Variants in PLEKHA5 observed in about 807,000 individuals in gnomAD.
PLEKHA5 encodes the protein pleckstrin homology domain-containing family A member 5.
Under a neutral mutation model 181.9 loss-of-function variants are expected in PLEKHA5, and 55 were observed. The observed-to-expected ratio is 0.30, with a 90% CI of 0.24 to 0.38. The LOEUF is 0.38. Among genes scored for constraint, PLEKHA5 ranks in the 10% least tolerant of loss-of-function variants. The pLI, the probability that PLEKHA5 is intolerant of heterozygous loss-of-function variation, is 1.00. For synonymous variants in PLEKHA5, 535 were observed against 529.4 expected, an observed-to-expected ratio of 1.01 and a Z score of -0.15; for missense variants, 1,432 against 1,549.5, an observed-to-expected ratio of 0.92 and a Z score of 1.27.
chr12:19,131,267 G>A (rs373223761), intron 2 of PLEKHA5, among the ~76,000 whole-genome samples: 178 of 152,228 alleles, frequency 1.2e-3, no homozygotes, highest in Middle Eastern at 3.4e-3. Context: ...CCAGGATATT[G>A]AACAAACCTG....
At chr12:19,282,636 G>A (rs780179813) in intron 11 of PLEKHA5, among the ~76,000 whole-genome samples, 29 of 152,234 alleles carry the variant, frequency 1.9e-4, no homozygotes, top group South Asian at 6.2e-4. Flanking sequence ...CTGATGAGAT[G>A]TATAAAAATG....
intron 3 of PLEKHA5, among the ~76,000 whole-genome samples, chr12:19,143,494 C>G (rs1252711745): frequency 6.6e-6 from 1 of 152,000 alleles, no homozygotes; most frequent in East Asian, 1.9e-4. Context: ...AAAAATCATT[C>G]ACAGTCCTGT....
intron 3 of PLEKHA5, among the ~76,000 whole-genome samples, chr12:19,176,016 T>C (rs573803543): frequency 4.6e-5 from 7 of 152,288 alleles, no homozygotes; most frequent in African/African-American, 1.4e-4. Flanking sequence ...TTGAATTCTG[T>C]AATTCTGTTT....
At position 19,354,190 on chromosome 12, in the gene PLEKHA5, C is replaced by T. The variant is rs371617261; in HGVS notation, c.3138+188C>T. Among the ~76,000 whole-genome samples the T allele has an allele frequency of 5.7e-5, 6 of 104,414 alleles. No individual in the cohort carries two copies. In the East Asian group the frequency reaches 1.5e-3, roughly 27 times the overall value. The allele number at this position is 104,414 out of a possible 152,430, so 68.5% of individuals were successfully genotyped here. A position where few individuals can be genotyped will look rare whatever the true frequency, so the allele number is the denominator to read the frequency against. ...TTTTTGAGACGGAGTCTCGCTCTGT[C>T]GCCCAGGCTGGAGTGCTGTGGCGCG... On this transcript the variant is annotated intron_variant, in intron 26 of 31. Transcript: ENST00000429027.
intron 3 of PLEKHA5, among the ~76,000 whole-genome samples, chr12:19,247,470 C>T (rs546191906): frequency 1.0e-3 from 154 of 152,240 alleles, no homozygotes; most frequent in Non-Finnish European, 1.6e-3. Context: ...TAATGAATTT[C>T]TATTTTATCT....
chr12:19,173,005 C>CTTTCTT (rs2046302396), intron 3 of PLEKHA5, among the ~76,000 whole-genome samples: 1 of 33,544 alleles, frequency 3.0e-5, no homozygotes, highest in East Asian at 1.1e-3. Context: ...ATTTCCCTTT[C>CTTTCTT]TTTTTTTTTT....
chr12:19,203,387 C>G (rs2054643149), intron 3 of PLEKHA5, among the ~76,000 whole-genome samples: 1 of 152,072 alleles, frequency 6.6e-6, no homozygotes, highest in African/African-American at 2.4e-5. Flanking sequence ...GTTTTTATCT[C>G]TTTCTTTCTT....
intron 11 of PLEKHA5, among the ~76,000 whole-genome samples, chr12:19,279,470 C>T (rs1817400568): frequency 1.3e-5 from 2 of 151,968 alleles, no homozygotes; most frequent in South Asian, 4.2e-4. Context: ...CAAGACCAGC[C>T]TGGCCAACAT....
intron 3 of PLEKHA5, among the ~76,000 whole-genome samples, chr12:19,192,978 C>T (rs541185144): frequency 6.6e-6 from 1 of 152,286 alleles, no homozygotes; most frequent in African/African-American, 2.4e-5. Flanking sequence ...TCTATGGCTA[C>T]TTTCTCACTA....
chr12:19,283,264 TA>T lies in PLEKHA5; in HGVS notation c.1314-15del, dbSNP rs760636960. ...CCCTCCTTCATGTTTACATTTTAAT[TA>T]TTTTTTTATTTTAGAGTAATTTCTT... On this transcript the variant is annotated splice_polypyrimidine_tract_variant and intron_variant, in intron 11 of 31. Transcript: ENST00000429027. 2 of 1,499,670 alleles carry T rather than the reference TA, an allele frequency of 1.3e-6. No homozygotes were observed. The highest frequency in any genetic ancestry group is 1.2e-5 in the South Asian group (1 of 82,154). The allele number at this position is 1,499,670 out of a possible 1,614,324, so 92.9% of individuals were successfully genotyped here.
intron 16 of PLEKHA5, among the ~76,000 whole-genome samples, chr12:19,315,223 G>A (rs2088130241): frequency 6.6e-6 from 1 of 152,068 alleles, no homozygotes; most frequent in Non-Finnish European, 1.5e-5. Flanking sequence ...AACTTTAAAA[G>A]CATTATACCT....
Position 19,297,360 on chromosome 12 carries a change from C to T in PLEKHA5, c.2037+5663C>T, listed in dbSNP as rs184760922. The stretch of plus-strand genomic sequence containing the variant: ...AATACAGGCCGGGCGCGGTGGCTCA[C>T]GCCTGTAATCCCAGCACTTTGGGAG... On this transcript the variant is annotated intron_variant, in intron 15 of 31. Coordinates refer to ENST00000429027, the MANE Select transcript of PLEKHA5 (RefSeq NM_001256470.2). Among the ~76,000 whole-genome samples, 31 of 151,636 alleles carry T rather than the reference C, an allele frequency of 2.0e-4. No homozygotes were observed. In the East Asian group the frequency reaches 4.3e-3, roughly 21 times the overall value.
intron 3 of PLEKHA5, among the ~76,000 whole-genome samples, chr12:19,198,622 T>G (rs921567120): frequency 6.6e-6 from 1 of 152,218 alleles, no homozygotes; most frequent in African/African-American, 2.4e-5. Flanking sequence ...GTCTGGTACA[T>G]AGTTAATGCT....
intron 3 of PLEKHA5, among the ~76,000 whole-genome samples, chr12:19,217,058 T>A (rs2152268016): frequency 6.6e-6 from 1 of 152,310 alleles, no homozygotes; most frequent in East Asian, 1.9e-4. Context: ...CAATAGCCAA[T>A]ATTAGACTGG....
At chr12:19,253,667 A>T (rs976832622) in intron 3 of PLEKHA5, among the ~76,000 whole-genome samples, 1 of 151,812 alleles carries the variant, frequency 6.6e-6, no homozygotes, top group Non-Finnish European at 1.5e-5. Context: ...AAATACAAAA[A>T]ATTAACTGGG....
chr12:19,266,740 C>T (rs1468300251), intron 8 of PLEKHA5, among the ~76,000 whole-genome samples: 1 of 151,978 alleles, frequency 6.6e-6, no homozygotes, highest in African/African-American at 2.4e-5. Context: ...GCCAAGATTG[C>T]ACCACTGTAC....
At chr12:19,230,691 T>G (rs953507256) in intron 3 of PLEKHA5, among the ~76,000 whole-genome samples, 4 of 152,122 alleles carry the variant, frequency 2.6e-5, no homozygotes, top group Non-Finnish European at 5.9e-5. Context: ...AAACTTGCGC[T>G]GGCCCACAAG....
intron 3 of PLEKHA5, among the ~76,000 whole-genome samples, chr12:19,234,128 A>T (rs1322930943): frequency 6.6e-6 from 1 of 152,192 alleles, no homozygotes; most frequent in Non-Finnish European, 1.5e-5. Flanking sequence ...TAAATGTAAA[A>T]TTTAGATTAC....
At chr12:19,284,929 A>T (rs2076913135) in intron 12 of PLEKHA5, among the ~76,000 whole-genome samples, 1 of 152,164 alleles carries the variant, frequency 6.6e-6, no homozygotes, top group African/African-American at 2.4e-5. Context: ...CAGGACTCTG[A>T]CTCAAAAAAT....
Sources: allele counts gnomAD v4.1 joint callset (sites outside exome capture counted in the v4.1 genomes callset), GRCh38; gene constraint gnomAD v4.1.1; transcripts MANE v1.5; gene names NCBI Gene and HGNC (gene_info 2026-07-23, HGNC 2026-07-21).